The following LZTS1 variants were observed in gnomAD, a reference collection of about 807,000 sequenced individuals.
The protein encoded by LZTS1 is leucine zipper putative tumor suppressor 1.
LZTS1 carries 31 observed loss-of-function variants against 45.8 expected under a neutral mutation model. That is an observed-to-expected ratio of 0.68 (90% CI 0.51 to 0.91). LZTS1 has a LOEUF of 0.91. LZTS1 is among the 40% of genes least tolerant of loss of function. LZTS1 has a pLI of 0.00. For synonymous variants in LZTS1, 359 were observed against 357.3 expected, an observed-to-expected ratio of 1.00 and a Z score of -0.05; for missense variants, 821 against 788.9, an observed-to-expected ratio of 1.04 and a Z score of -0.49.
intron 1 of LZTS1, among the ~76,000 whole-genome samples, chr8:20,288,542 A>AAAAAATGATGC (rs1800838718): frequency 6.6e-6 from 1 of 152,182 alleles, no homozygotes; most frequent in Non-Finnish European, 1.5e-5. Flanking sequence ...AAGAGGGTGC[A>AAAAAATGATGC]CTGTTACTAC....
chr8:20,280,867 C>T (rs1007752156), intron 1 of LZTS1, among the ~76,000 whole-genome samples: 2 of 152,138 alleles, frequency 1.3e-5, no homozygotes, highest in African/African-American at 2.4e-5. Context: ...TCTAAAAAAC[C>T]GCTCACAAGT....
intron 1 of LZTS1, among the ~76,000 whole-genome samples, chr8:20,274,802 G>A (rs1466945946): frequency 6.6e-6 from 1 of 152,188 alleles, no homozygotes; most frequent in African/African-American, 2.4e-5. Context: ...TCCTCGTAAA[G>A]CGGGATGCAT....
chr8:20,265,522 A>T (rs181399697), intron 1 of LZTS1, among the ~76,000 whole-genome samples: 30 of 151,822 alleles, frequency 2.0e-4, no homozygotes, highest in African/African-American at 2.9e-4. Context: ...AAGATTTTTT[A>T]AAAAAATGAG....
intron 1 of LZTS1, among the ~76,000 whole-genome samples, chr8:20,277,645 T>C (rs1002487105): frequency 6.6e-6 from 1 of 152,198 alleles, no homozygotes; most frequent in Non-Finnish European, 1.5e-5. Flanking sequence ...TTTCACTTTG[T>C]AGGCTGATCT....
intron 1 of LZTS1, among the ~76,000 whole-genome samples, chr8:20,288,638 A>C (rs144071465): frequency 4.3e-4 from 65 of 152,306 alleles, no homozygotes; most frequent in African/African-American, 1.6e-3. Flanking sequence ...GGTTGCGGTC[A>C]ACAGCCGTCT....
chr8:20,263,384 C>A (rs1585285667), intron 1 of LZTS1, among the ~76,000 whole-genome samples: 1 of 151,960 alleles, frequency 6.6e-6, no homozygotes, highest in East Asian at 1.9e-4. Flanking sequence ...AGCTGTCAAC[C>A]CCCTCTTCAG....
Position 20,246,987 on chromosome 8 carries a change from G to A in LZTS1, c.*2735C>T, listed in dbSNP as rs1227549502. ...GAATCTGGCATGGTCCAAGAATAGT[G>A]AGGGCGCTTTTGGACAGGGCAGGAA... is the stretch of plus-strand genomic sequence containing the variant. On this transcript the variant is annotated 3_prime_UTR_variant, in exon 4 of 4. Transcript: ENST00000381569. The A allele has an allele frequency of 6.6e-6, 1 of 152,308 alleles. No individual in the cohort carries two copies. The highest frequency in any genetic ancestry group is 2.4e-5 in the African/African-American group (1 of 41,462). 9.4% of individuals were successfully genotyped at this position (152,308 alleles called of 1,614,324 possible).
chr8:20,291,003 C>A (rs1800891527), intron 1 of LZTS1, among the ~76,000 whole-genome samples: 2 of 152,230 alleles, frequency 1.3e-5, no homozygotes, highest in Non-Finnish European at 2.9e-5. Context: ...CTTCTCCCCT[C>A]AGCTCCTCCA....
At chr8:20,291,997 C>A (rs1199371479) in intron 1 of LZTS1, among the ~76,000 whole-genome samples, 1 of 152,254 alleles carries the variant, frequency 6.6e-6, no homozygotes, top group Non-Finnish European at 1.5e-5. Context: ...ACCAGGGAAG[C>A]CTGACCTGGG....
chr8:20,251,630 A>T (rs967073274), intron 3 of LZTS1, among the ~76,000 whole-genome samples: 1 of 152,060 alleles, frequency 6.6e-6, no homozygotes, highest in East Asian at 1.9e-4. Flanking sequence ...CCAAATTTTG[A>T]TGGGGGATAG....
intron 1 of LZTS1, among the ~76,000 whole-genome samples, chr8:20,287,115 G>A (rs1257361014): frequency 3.9e-5 from 6 of 152,166 alleles, no homozygotes; most frequent in African/African-American, 1.4e-4. Context: ...ATAATCCTAC[G>A]AGGTGGTTCT....
At chr8:20,274,214 C>T (rs541378324) in intron 1 of LZTS1, among the ~76,000 whole-genome samples, 94 of 152,312 alleles carry the variant, frequency 6.2e-4, no homozygotes, top group African/African-American at 2.0e-3. Context: ...CTCCCAGCTT[C>T]GAGCGCAGTA....
At chr8:20,265,440 A>G (rs1456668893) in intron 1 of LZTS1, among the ~76,000 whole-genome samples, 1 of 151,914 alleles carries the variant, frequency 6.6e-6, no homozygotes, top group Non-Finnish European at 1.5e-5. Flanking sequence ...CCAAGGGAGG[A>G]GGATGGCTTG....
rs1799834222 is a variant in LZTS1 at position 20,249,803 on chromosome 8, C to T, written c.1710G>A (p.Gly570=). 1 of 1,614,122 alleles carries T rather than the reference C, an allele frequency of 6.2e-7. No individual in the cohort carries two copies. The highest frequency in any genetic ancestry group is 8.5e-7 in the Non-Finnish European group (1 of 1,180,020). The part of the protein sequence containing the change: ...LEKALQQLAR[G]DSAGEPLEVD... ...CCTCCAAGGGCTCCCCGGCGCTGTC[C>T]CCACGTGCCAGCTGCTGCAGGGCCT... is the stretch of plus-strand genomic sequence containing the variant. The change falls in exon 4 of 4, where the codon GGG becomes GGA. Residue 570 remains glycine (G), a synonymous_variant. Coordinates refer to ENST00000381569, the MANE Select transcript of LZTS1 (RefSeq NM_021020.5).
At chr8:20,264,323 A>T in intron 1 of LZTS1, among the ~76,000 whole-genome samples, 1 of 151,206 alleles carries the variant, frequency 6.6e-6, no homozygotes, top group African/African-American at 2.4e-5. Context: ...TGTTGCAAAA[A>T]CCCTCTTATA....
chr8:20,281,885 G>A (rs1362433301), intron 1 of LZTS1, among the ~76,000 whole-genome samples: 1 of 152,096 alleles, frequency 6.6e-6, no homozygotes, highest in Non-Finnish European at 1.5e-5. Context: ...AAAATAAATG[G>A]ACTAATACAG....
chr8:20,294,470 C>T (rs971908083), intron 1 of LZTS1, among the ~76,000 whole-genome samples: 1 of 152,314 alleles, frequency 6.6e-6, no homozygotes, highest in East Asian at 1.9e-4. Flanking sequence ...CTTCAGGGGC[C>T]GGCTCGCTTT....
intron 1 of LZTS1, among the ~76,000 whole-genome samples, chr8:20,284,675 C>T (rs1265560505): frequency 6.6e-6 from 1 of 152,124 alleles, no homozygotes; most frequent in East Asian, 1.9e-4. Flanking sequence ...TGCATTTGCT[C>T]ATTTTCACCC....
intron 1 of LZTS1, among the ~76,000 whole-genome samples, chr8:20,284,867 C>T (rs1181833190): frequency 1.3e-5 from 2 of 152,204 alleles, no homozygotes; most frequent in African/African-American, 4.8e-5. Flanking sequence ...CATAGCCTAT[C>T]TCATCAAGAC....
Sources: allele counts gnomAD v4.1 joint callset (sites outside exome capture counted in the v4.1 genomes callset), GRCh38; gene constraint gnomAD v4.1.1; transcripts MANE v1.5; gene names NCBI Gene and HGNC (gene_info 2026-07-23, HGNC 2026-07-21).